COX7A2L: variants seen among roughly 807,000 people sequenced by gnomAD.
The protein encoded by COX7A2L is cytochrome c oxidase subunit 7A2 like, also known as cytochrome c oxidase subunit 7A2-like, mitochondrial.
In COX7A2L, 18 loss-of-function variants were observed where a neutral mutation model predicts 14.2. The observed-to-expected ratio is 1.27, with a 90% confidence interval of 0.88 to 1.88. The LOEUF (loss-of-function observed/expected upper bound fraction) is 1.88. Ranked by LOEUF, COX7A2L falls within the 40% of genes most tolerant of loss-of-function variation. COX7A2L has a pLI of 0.00. For missense variants in COX7A2L, 179 were observed against 138.8 expected (o/e 1.29, Z -1.46); for synonymous variants, 65 against 57.4 (o/e 1.13, Z -0.60).
upstream of COX7A2L, chr2:42,366,007 G>A (rs1328882531): frequency 1.3e-5 from 2 of 152,204 alleles, no homozygotes; most frequent in East Asian, 3.8e-4. Context: ...ATGGAAATTA[G>A]TGATCAAGTG....
In COX7A2L at chr2:42,361,096, G is replaced by T. The variant is rs1233073300; in HGVS notation, c.66C>A (p.Ser22Arg). Residue 22 changes from serine to arginine, a missense_variant, in exon 1 of 3, where the codon AGC (serine) becomes AGA (arginine). Ser to Arg is a moderately radical substitution (Grantham distance 110). Coordinates refer to ENST00000234301, the MANE Select transcript of COX7A2L (RefSeq NM_004718.4). ...GGCCAGGCGCCACTCGTACCTGCGGGCTATAGGCCTCCGAAGCCCATGCTC... is the reference window on the plus strand; with the variant it reads ...GGCCAGGCGCCACTCGTACCTGCGGTCTATAGGCCTCCGAAGCCCATGCTC... The part of the protein sequence containing the change: ...LAGAWASEAY[S>R]PQGLKPVVST... The T allele has an allele frequency of 2.5e-6, 4 of 1,613,650 alleles. No homozygotes were observed. The highest frequency in any genetic ancestry group is 2.5e-6 in the Non-Finnish European group (3 of 1,179,862).
chr2:42,340,955 G>A (rs190118097), intron 2 of COX7A2L, among the ~76,000 whole-genome samples: 61 of 152,316 alleles, frequency 4.0e-4, no homozygotes, highest in African/African-American at 1.4e-3. Context: ...GTTCAGACCT[G>A]GAGCCAAAGA....
chr2:42,353,570 A>G (rs1025191787), intron 1 of COX7A2L, among the ~76,000 whole-genome samples: 1 of 152,226 alleles, frequency 6.6e-6, no homozygotes, highest in Non-Finnish European at 1.5e-5. Context: ...TGGTGTGTCT[A>G]TCTTCTTAGC....
At position 42,351,745 on chromosome 2, in the gene COX7A2L, A is replaced by G. The variant is rs530640946; in HGVS notation, c.205-386T>C. 3.9e-5 allele frequency among the ~76,000 whole-genome samples: 6 copies of G among 152,202 alleles called. No individual in the cohort carries two copies. In the South Asian group the frequency reaches 1.2e-3, roughly 32 times the overall value. On this transcript the variant is annotated intron_variant, in intron 2 of 2. Transcript: ENST00000234301. ...TCCCAGCACTTTGGGAGGCCGAGACAGGCAGATGGCTTGAGCCCAGGAGTT... is the reference window on the plus strand; with the variant it reads ...TCCCAGCACTTTGGGAGGCCGAGACGGGCAGATGGCTTGAGCCCAGGAGTT...
intron 1 of COX7A2L, 125 bp downstream of exon 1, chr2:42,360,965 C>G (rs775990959): frequency 1.0e-6 from 1 of 963,628 alleles, no homozygotes; most frequent in Non-Finnish European, 1.6e-6. Context: ...CCGGGAGGTG[C>G]AAGGAGAACA....
At chr2:42,366,264 T>C (rs1671162694) in intron 1 of COX7A2L, among the ~76,000 whole-genome samples, 1 of 152,094 alleles carries the variant, frequency 6.6e-6, no homozygotes, top group African/African-American at 2.4e-5. Context: ...ACCCCATCTC[T>C]AAAATACAAA....
chr2:42,353,324 G>T lies in COX7A2L; in HGVS notation c.92C>A (p.Ser31Tyr). Reference sequence around the variant, plus strand: ...AAATATGATAGGTGGTGCTTCTGTGGAAACCACAGGCTTTAATCCCTGTAG... The same window carrying T: ...AAATATGATAGGTGGTGCTTCTGTGTAAACCACAGGCTTTAATCCCTGTAG... ...YSPQGLKPVVSTEAPPIIFAT... is the reference protein window; with the variant it reads ...YSPQGLKPVVYTEAPPIIFAT... Residue 31 changes from serine (S) to tyrosine (Y), a missense_variant, in exon 2 of 3, where the codon TCC (serine) becomes TAC (tyrosine). Physicochemically the swap from Ser to Tyr is moderately radical, Grantham distance 144 (BLOSUM62 -2). Coordinates refer to ENST00000234301, the MANE Select transcript of COX7A2L (RefSeq NM_004718.4). 1 of 1,613,962 alleles carries T rather than the reference G, an allele frequency of 6.2e-7. No homozygotes were observed. Among genetic ancestry groups the T allele is most frequent in the Non-Finnish European group, 8.5e-7 (1 of 1,179,936 alleles).
At chr2:42,347,307 CTTTTTTTTTT>C (rs10718452), downstream of COX7A2L, among the ~76,000 whole-genome samples, 24 of 135,052 alleles carry the variant, frequency 1.8e-4, no homozygotes, top group Admixed American at 1.8e-3. Flanking sequence ...AAACCAGCAC[CTTTTTTTTTT>C]TTTTTTTTTT....
rs1459090872 is a variant in COX7A2L at position 42,342,138 on chromosome 2, G to A, written c.193-8269C>T. Among the ~76,000 whole-genome samples the A allele has an allele frequency of 6.6e-6, 1 of 152,128 alleles. No homozygotes were observed. The highest frequency in any genetic ancestry group is 1.5e-5 in the Non-Finnish European group (1 of 68,024). Reference sequence around the variant, plus strand: ...GAACTGGTGCCAGGTCTTCCTATGAGAGGCTGAGCTGAGCAACCACGCTGC... The same window carrying A: ...GAACTGGTGCCAGGTCTTCCTATGAAAGGCTGAGCTGAGCAACCACGCTGC... On this transcript the variant is annotated intron_variant, in intron 2 of 2. Transcript: ENST00000468711. The surrounding 1 kb of genome is among the most constrained non-coding windows in gnomAD (Gnocchi z 4.9).
In COX7A2L at chr2:42,338,404, C is replaced by T. The variant is rs1443449849; in HGVS notation, c.193-4535G>A. Among the ~76,000 whole-genome samples, 1 of 152,112 alleles carries T rather than the reference C, an allele frequency of 6.6e-6. No homozygotes were observed. The highest frequency in any genetic ancestry group is 1.5e-5 in the Non-Finnish European group (1 of 68,020). ...TCTAGCAGAGCCCTCCCAAGACTGC[C>T]GCAGAACTGAGATGAGGTGACCAGG... On this transcript the variant is annotated intron_variant, in intron 2 of 2. Coordinates refer to the COX7A2L transcript ENST00000468711. This position sits in a 1 kb window ranked among gnomAD's most constrained non-coding sequence, Gnocchi z 4.4.
intron 1 of COX7A2L, 150 bp from the exon 2 acceptor site, chr2:42,353,493 A>G: frequency 9.8e-7 from 1 of 1,025,160 alleles, no homozygotes; most frequent in East Asian, 2.6e-5. Context: ...TGCCATTACG[A>G]TTGCAGGGGG....
intron 1 of COX7A2L, among the ~76,000 whole-genome samples, chr2:42,368,699 A>G (rs1485760135): frequency 6.6e-6 from 1 of 152,226 alleles, no homozygotes; most frequent in African/African-American, 2.4e-5. Context: ...TGCCTAGGAC[A>G]CAGTAAGCAC....
At chr2:42,335,589 T>C (rs1670253182) in intron 2 of COX7A2L, among the ~76,000 whole-genome samples, 2 of 152,206 alleles carry the variant, frequency 1.3e-5, no homozygotes, top group African/African-American at 2.4e-5. Flanking sequence ...TAACTCAATC[T>C]TTTCAAAATA....
At chr2:42,360,716 G>GATAA (rs1553402992) in intron 1 of COX7A2L, among the ~76,000 whole-genome samples, 3 of 7,046 alleles carry the variant, frequency 4.3e-4, no homozygotes, top group African/African-American at 3.4e-3. Context: ...TCTGGCAGAT[G>GATAA]ACAAACGACA....
At chr2:42,347,987 G>A (rs531210107), downstream of COX7A2L, among the ~76,000 whole-genome samples, 32 of 152,264 alleles carry the variant, frequency 2.1e-4, no homozygotes, top group Non-Finnish European at 4.1e-4. Flanking sequence ...GGAAACTGAG[G>A]TAAGGAAAAC....
At chr2:42,367,450 G>C (rs551092622) in intron 1 of COX7A2L, among the ~76,000 whole-genome samples, 3 of 152,154 alleles carry the variant, frequency 2.0e-5, no homozygotes, top group Non-Finnish European at 2.9e-5. Flanking sequence ...CCGAGAAATG[G>C]ACAGGTCTGT....
upstream of COX7A2L, among the ~76,000 whole-genome samples, chr2:42,363,548 G>C (rs1671102822): frequency 6.6e-6 from 1 of 152,172 alleles, no homozygotes; most frequent in South Asian, 2.1e-4. Context: ...TAAGAATCCT[G>C]AAAATGTTAC....
At chr2:42,344,305 G>T (rs927416473) in intron 2 of COX7A2L, among the ~76,000 whole-genome samples, 6 of 152,068 alleles carry the variant, frequency 3.9e-5, no homozygotes, top group African/African-American at 1.4e-4. Context: ...AGAAACCTCT[G>T]CTTACACGTG....
downstream of COX7A2L, among the ~76,000 whole-genome samples, chr2:42,347,644 G>T (rs764937508): frequency 1.3e-5 from 2 of 152,140 alleles, no homozygotes; most frequent in Non-Finnish European, 2.9e-5. Context: ...TGCGTTGGCC[G>T]GGCGTGGTGG....
Sources: gnomAD v4.1 joint callset for allele counts (sites outside exome capture counted in the v4.1 genomes callset) on GRCh38, gnomAD v4.1.1 for gene constraint, Gnocchi (gnomAD v3.1) non-coding constraint, MANE v1.5 for transcripts, NCBI Gene and HGNC (gene_info 2026-07-23, HGNC 2026-07-21) for gene names.